Variants in PDE1C observed in about 807,000 individuals in gnomAD.
The protein encoded by PDE1C is phosphodiesterase 1C, also known as dual specificity calcium/calmodulin-dependent 3',5'-cyclic nucleotide phosphodiesterase 1C.
In PDE1C, 62 loss-of-function variants were observed where a neutral mutation model predicts 93.1. That is an observed-to-expected ratio of 0.67 (90% CI 0.54 to 0.82). The LOEUF is 0.82. Ranked by LOEUF, PDE1C falls within the 40% of genes least tolerant of loss-of-function variation. PDE1C has a pLI of 0.00. For missense variants in PDE1C, 742 were observed against 884.6 expected, an observed-to-expected ratio of 0.84 and a Z score of 2.04; for synonymous variants, 325 against 310.1, an observed-to-expected ratio of 1.05 and a Z score of -0.50.
At chr7:31,700,944 T>C in the PDE1C span, among the ~76,000 whole-genome samples, 2 of 152,186 alleles carry the variant, frequency 1.3e-5, no homozygotes, top group African/African-American at 2.4e-5. Context: ...TCATTAACAA[T>C]GTACCTCATC....
chr7:32,036,181 A>G (rs973642675), intron 2 of PDE1C, among the ~76,000 whole-genome samples: 1 of 152,144 alleles, frequency 6.6e-6, no homozygotes, highest in Non-Finnish European at 1.5e-5. Context: ...CCACATACGC[A>G]AGAAACAAGG....
chr7:32,311,177 C>T (rs1157871657), intron 1 of PDE1C, among the ~76,000 whole-genome samples: 1 of 152,192 alleles, frequency 6.6e-6, no homozygotes, highest in Non-Finnish European at 1.5e-5. Context: ...TTCCTCAACA[C>T]ATACACCCTC....
intron 3 of PDE1C, among the ~76,000 whole-genome samples, chr7:31,880,535 G>A (rs1207703728): frequency 1.3e-5 from 2 of 152,086 alleles, no homozygotes; most frequent in Non-Finnish European, 2.9e-5. Flanking sequence ...GCGGCCATAT[G>A]AGATTTGTTC....
At chr7:32,418,277 C>T (rs1785316595) in intron 1 of PDE1C, among the ~76,000 whole-genome samples, 1 of 152,124 alleles carries the variant, frequency 6.6e-6, no homozygotes, top group Admixed American at 6.6e-5. Flanking sequence ...TCAGGCAGTT[C>T]AGCACAAGGC....
chr7:32,247,860 A>G (rs1197451851), intron 1 of PDE1C, among the ~76,000 whole-genome samples: 7 of 152,150 alleles, frequency 4.6e-5, no homozygotes, highest in Admixed American at 4.6e-4. Flanking sequence ...ACATAACCCC[A>G]TCATAAGTCT....
chr7:32,208,285 A>G (rs1393141531), intron 2 of PDE1C, among the ~76,000 whole-genome samples: 2 of 152,208 alleles, frequency 1.3e-5, no homozygotes, highest in African/African-American at 2.4e-5. Context: ...GCTTTATGTA[A>G]TAAGATTTAC....
chr7:31,787,578 T>C (rs1404643954), intron 16 of PDE1C: 1 of 152,224 alleles, frequency 6.6e-6, no homozygotes, highest in African/African-American at 2.4e-5. Context: ...CAGGGACGTG[T>C]AGAGCGCATG....
chr7:31,635,215 GA>G, the PDE1C span, among the ~76,000 whole-genome samples: 1 of 152,148 alleles, frequency 6.6e-6, no homozygotes, highest in Non-Finnish European at 1.5e-5. Flanking sequence ...GACTCTAAGG[GA>G]ATATTTAGAA....
At chr7:31,669,463 T>C in the PDE1C span, among the ~76,000 whole-genome samples, 23 of 152,208 alleles carry the variant, frequency 1.5e-4, no homozygotes, top group Non-Finnish European at 1.5e-5. Flanking sequence ...TATCCCAGTT[T>C]AGTATCTAAA....
chr7:32,189,620 T>A (rs1014468781), intron 2 of PDE1C, among the ~76,000 whole-genome samples: 3 of 152,208 alleles, frequency 2.0e-5, no homozygotes, highest in African/African-American at 7.2e-5. Flanking sequence ...GGATATAGTA[T>A]ATATGATGTG....
At chr7:32,037,724 T>C (rs926823310) in intron 2 of PDE1C, among the ~76,000 whole-genome samples, 2 of 152,180 alleles carry the variant, frequency 1.3e-5, no homozygotes, top group Non-Finnish European at 2.9e-5. Context: ...CTGGGTCCTA[T>C]ATCTCTCCAA....
At chr7:31,909,045 C>T (rs1800922162) in intron 2 of PDE1C, among the ~76,000 whole-genome samples, 1 of 152,072 alleles carries the variant, frequency 6.6e-6, no homozygotes, top group African/African-American at 2.4e-5. Flanking sequence ...TCAGATTTAC[C>T]TAGTCAGCCC....
intron 6 of PDE1C, among the ~76,000 whole-genome samples, chr7:31,869,379 C>A (rs1206947963): frequency 6.6e-6 from 1 of 151,950 alleles, no homozygotes; most frequent in Non-Finnish European, 1.5e-5. Context: ...ATAAGAAACT[C>A]TTTTCACCTG....
upstream of PDE1C, among the ~76,000 whole-genome samples, chr7:32,299,924 A>G (rs1294718216): frequency 6.6e-6 from 1 of 152,224 alleles, no homozygotes; most frequent in Non-Finnish European, 1.5e-5. Context: ...TGCTCAAGCT[A>G]TTGTGAGACT....
intron 1 of PDE1C, among the ~76,000 whole-genome samples, chr7:32,310,561 C>T (rs1398947462): frequency 6.6e-6 from 1 of 152,148 alleles, no homozygotes; most frequent in Admixed American, 6.5e-5. Context: ...TCTCTCAGAC[C>T]ACAGTGCAAT....
intron 7 of PDE1C, among the ~76,000 whole-genome samples, chr7:31,853,291 T>C (rs927944089): frequency 6.6e-6 from 1 of 152,206 alleles, no homozygotes; most frequent in African/African-American, 2.4e-5. Context: ...ACAAACGCCA[T>C]GCATGCTTAG....
chr7:31,691,558 G>GA, the PDE1C span, among the ~76,000 whole-genome samples: 1 of 151,938 alleles, frequency 6.6e-6, no homozygotes, highest in African/African-American at 2.4e-5. Flanking sequence ...ATCCATTCTG[G>GA]AATTCCACTG....
intron 1 of PDE1C, among the ~76,000 whole-genome samples, chr7:32,392,394 T>C (rs1373118595): frequency 1.3e-5 from 2 of 152,180 alleles, no homozygotes; most frequent in African/African-American, 4.8e-5. Context: ...CTTCACATAA[T>C]TCTTCCAGAA....
intron 1 of PDE1C, among the ~76,000 whole-genome samples, chr7:32,067,002 G>C (rs1216480815): frequency 6.6e-6 from 1 of 152,216 alleles, no homozygotes; most frequent in Non-Finnish European, 1.5e-5. Context: ...GCAAGGCTGA[G>C]GACCAGCACC....
Sources: allele counts gnomAD v4.1 joint callset (sites outside exome capture counted in the v4.1 genomes callset), GRCh38; gene constraint gnomAD v4.1.1; transcripts MANE v1.5; gene names NCBI Gene and HGNC (gene_info 2026-07-23, HGNC 2026-07-21).